Variants in PDS5A observed in about 807,000 individuals in gnomAD.
PDS5A encodes the protein PDS5 cohesin associated factor A.
In PDS5A, 42 loss-of-function variants were observed where a neutral mutation model predicts 167.1. The ratio of observed to expected loss-of-function variants is 0.25; its 90% CI spans 0.20 to 0.33. The LOEUF is 0.33. Ranked by LOEUF, PDS5A falls within the 10% of genes least tolerant of loss-of-function variation. The probability of loss-of-function intolerance (pLI) is 1.00; values close to 1 mark genes in which losing one functional copy is unlikely to be tolerated. For missense variants in PDS5A, 1,033 were observed against 1,605.9 expected, an observed-to-expected ratio of 0.64 and a Z score of 6.10; for synonymous variants, 553 against 554.6, an observed-to-expected ratio of 1.00 and a Z score of 0.04.
intron 2 of PDS5A, among the ~76,000 whole-genome samples, chr4:39,962,346 G>T (rs181725941): frequency 2.0e-5 from 3 of 152,000 alleles, no homozygotes; most frequent in South Asian, 4.2e-4. Flanking sequence ...GTAAGCCACC[G>T]CGCCCGGCCT....
In PDS5A at chr4:39,900,448, A is replaced by G; in HGVS notation, c.1559T>C (p.Leu520Ser). The G allele has an allele frequency of 1.3e-6, 2 of 1,581,930 alleles. No individual in the cohort carries two copies. The highest frequency in any genetic ancestry group is 1.7e-6 in the Non-Finnish European group (2 of 1,161,750). Residue 520 changes from leucine (L) to serine (S), a missense_variant, in exon 14 of 33, where the codon TTG becomes TCG. Transcript: ENST00000303538. Reference sequence around the variant, plus strand: ...TACTGTAGGCTGCTTGTGCAAATCCAATAGTTCGCGTACATGGCTCCGAAG... The same window carrying G: ...TACTGTAGGCTGCTTGTGCAAATCCGATAGTTCGCGTACATGGCTCCGAAG... Reference protein sequence around the residue: ...NMLRSHVRELLDLHKQPTSEA... With the variant: ...NMLRSHVRELSDLHKQPTSEA...
chr4:39,884,111 T>C (rs140300968), intron 17 of PDS5A, among the ~76,000 whole-genome samples: 1 of 151,620 alleles, frequency 6.6e-6, no homozygotes, highest in South Asian at 2.1e-4. Context: ...GCATTTTTAG[T>C]AGGGACGGGG....
At chr4:39,959,565 C>G (rs558987780) in intron 2 of PDS5A, among the ~76,000 whole-genome samples, 1 of 152,006 alleles carries the variant, frequency 6.6e-6, no homozygotes, top group African/African-American at 2.4e-5. Context: ...AGCAAACTCT[C>G]GAGCTCAAGT....
chr4:39,941,474 G>A (rs1291106523), intron 2 of PDS5A, among the ~76,000 whole-genome samples: 1 of 152,182 alleles, frequency 6.6e-6, no homozygotes, highest in Non-Finnish European at 1.5e-5. Context: ...TTGCCAATAC[G>A]TGCTTCTTTG....
At chr4:39,916,994 C>A in intron 8 of PDS5A, 54 bp downstream of exon 8, 2 of 1,105,460 alleles carry the variant, frequency 1.8e-6, no homozygotes, top group Non-Finnish European at 2.4e-6. Context: ...TACATTGTGC[C>A]TGCTCTAGAA....
At chr4:39,938,744 G>A (rs929438382) in intron 2 of PDS5A, among the ~76,000 whole-genome samples, 7 of 150,506 alleles carry the variant, frequency 4.7e-5, no homozygotes, top group African/African-American at 7.3e-5. Flanking sequence ...GGCTGAGGCC[G>A]ATGGATCACA....
intron 16 of PDS5A, among the ~76,000 whole-genome samples, chr4:39,895,620 G>C (rs1292041411): frequency 6.6e-6 from 1 of 152,130 alleles, no homozygotes; most frequent in Admixed American, 6.6e-5. Context: ...TGTACACTTA[G>C]GCAGCACGAT....
intron 2 of PDS5A, among the ~76,000 whole-genome samples, chr4:39,937,317 C>T (rs968506526): frequency 6.6e-6 from 1 of 150,496 alleles, no homozygotes; most frequent in Non-Finnish European, 1.5e-5. Flanking sequence ...AGAATCAGAA[C>T]AAAGATCAGA....
intron 7 of PDS5A, among the ~76,000 whole-genome samples, chr4:39,919,905 T>C (rs1158735441): frequency 2.0e-5 from 3 of 150,812 alleles, no homozygotes; most frequent in African/African-American, 7.3e-5. Context: ...AACCAAACCA[T>C]TTTCTAAATA....
chr4:39,910,716 C>T (rs1723808342), intron 9 of PDS5A, among the ~76,000 whole-genome samples: 2 of 152,074 alleles, frequency 1.3e-5, no homozygotes, highest in South Asian at 4.1e-4. Context: ...TAGGAGATTC[C>T]AGGCACGGTG....
chr4:39,858,807 T>G (rs1410009351), intron 26 of PDS5A, among the ~76,000 whole-genome samples: 4 of 152,146 alleles, frequency 2.6e-5, no homozygotes, highest in Admixed American at 1.3e-4. Flanking sequence ...ATATTGTTAG[T>G]AGGGACAGGG....
At chr4:39,954,900 C>T (rs1056866570) in intron 2 of PDS5A, among the ~76,000 whole-genome samples, 1 of 151,714 alleles carries the variant, frequency 6.6e-6, no homozygotes, top group Admixed American at 6.6e-5. Flanking sequence ...ATTAGCTAGG[C>T]GTGGTAGCAC....
At chr4:39,948,014 G>C (rs905281220) in intron 2 of PDS5A, among the ~76,000 whole-genome samples, 8 of 152,092 alleles carry the variant, frequency 5.3e-5, no homozygotes, top group Non-Finnish European at 8.8e-5. Context: ...AATTTGGAAA[G>C]ACAAGGAGGG....
At chr4:39,942,514 A>G (rs752735671) in intron 2 of PDS5A, among the ~76,000 whole-genome samples, 50 of 152,126 alleles carry the variant, frequency 3.3e-4, no homozygotes, top group Non-Finnish European at 6.2e-4. Flanking sequence ...GCAGTGGCAT[A>G]ATCACAGGTC....
At chr4:39,886,383 A>G (rs1000195195) in intron 17 of PDS5A, among the ~76,000 whole-genome samples, 6 of 152,120 alleles carry the variant, frequency 3.9e-5, no homozygotes, top group Non-Finnish European at 8.8e-5. Flanking sequence ...ATTGCATTTA[A>G]TTTGTAAATT....
At chr4:39,849,165 C>G (rs1717897374) in intron 27 of PDS5A, among the ~76,000 whole-genome samples, 195 bp from the exon 28 acceptor site, 1 of 152,066 alleles carries the variant, frequency 6.6e-6, no homozygotes, top group South Asian at 2.1e-4. Flanking sequence ...ATGAATTTAA[C>G]ATGGATGCCA....
chr4:39,970,790 CTTTTTTTTTT>C (rs35223238), intron 2 of PDS5A, among the ~76,000 whole-genome samples: 4 of 88,490 alleles, frequency 4.5e-5, no homozygotes, highest in East Asian at 3.9e-4. Flanking sequence ...CCGCTTGTTC[CTTTTTTTTTT>C]TTTTTTTTTT....
intron 17 of PDS5A, among the ~76,000 whole-genome samples, chr4:39,881,889 G>A (rs372487182): frequency 1.4e-4 from 21 of 152,174 alleles, no homozygotes; most frequent in Admixed American, 1.1e-3. Flanking sequence ...GAACATGGGG[G>A]CAGTTTCCTC....
At chr4:39,976,653 G>C in intron 1 of PDS5A, 36 bp from the exon 2 acceptor site, 2 of 1,135,042 alleles carry the variant, frequency 1.8e-6, no homozygotes, top group Non-Finnish European at 2.6e-6. Flanking sequence ...GCGGGAAAGG[G>C]GCGACTTTGT....
Sources: allele counts gnomAD v4.1 joint callset (sites outside exome capture counted in the v4.1 genomes callset), GRCh38; gene constraint gnomAD v4.1.1; transcripts MANE v1.5; gene names NCBI Gene and HGNC (gene_info 2026-07-23, HGNC 2026-07-21).